Variants in RALYL observed in about 807,000 individuals in gnomAD.
RALYL encodes the protein RALY RNA binding protein like, also known as RNA-binding Raly-like protein.
In RALYL, 29 loss-of-function variants were observed where a neutral mutation model predicts 35.1. The observed-to-expected ratio is 0.83, with a 90% CI of 0.61 to 1.13. The LOEUF (loss-of-function observed/expected upper bound fraction) is 1.13, where lower values mean the gene tolerates loss of function less well. RALYL is among the 50% of genes most tolerant of loss of function. The pLI is 0.00. For synonymous variants in RALYL, 120 were observed against 127.6 expected, an observed-to-expected ratio of 0.94 and a Z score of 0.40; for missense variants, 359 against 360.4, an observed-to-expected ratio of 1.00 and a Z score of 0.03.
intron 1 of RALYL, among the ~76,000 whole-genome samples, chr8:84,388,916 T>C (rs1377488786): frequency 6.6e-5 from 10 of 152,142 alleles, no homozygotes; most frequent in South Asian, 2.1e-4. Context: ...AAGTCCTTGC[T>C]CATGCCTATG....
intron 1 of RALYL, among the ~76,000 whole-genome samples, chr8:84,439,672 T>C (rs970758784): frequency 4.6e-5 from 7 of 152,100 alleles, no homozygotes; most frequent in Non-Finnish European, 7.4e-5. Context: ...ATGATTTTCT[T>C]TTGCTCATCA....
At chr8:84,599,220 A>T (rs575866174) in intron 2 of RALYL, among the ~76,000 whole-genome samples, 15 of 152,216 alleles carry the variant, frequency 9.9e-5, no homozygotes, top group Admixed American at 5.9e-4. Context: ...ACTGACCACT[A>T]AAAATTTCAT....
intron 1 of RALYL, among the ~76,000 whole-genome samples, chr8:84,304,180 C>T (rs1381688739): frequency 1.3e-4 from 20 of 152,114 alleles, no homozygotes; most frequent in Admixed American, 8.5e-4. Context: ...TGCAGTGGCG[C>T]GATCTCAGCT....
At chr8:84,284,134 T>A (rs1309423199) in intron 1 of RALYL, among the ~76,000 whole-genome samples, 1 of 152,164 alleles carries the variant, frequency 6.6e-6, no homozygotes, top group Non-Finnish European at 1.5e-5. Context: ...AGAGAATTAT[T>A]CCTGTATTAT....
chr8:84,605,988 G>A (rs1186645263), intron 2 of RALYL, among the ~76,000 whole-genome samples: 1 of 152,094 alleles, frequency 6.6e-6, no homozygotes, highest in East Asian at 1.9e-4. Flanking sequence ...TGTACAAACA[G>A]CCACACACTT....
At chr8:84,312,394 C>T (rs1456334240) in intron 1 of RALYL, among the ~76,000 whole-genome samples, 1 of 152,158 alleles carries the variant, frequency 6.6e-6, no homozygotes, top group Non-Finnish European at 1.5e-5. Flanking sequence ...CCAACAGTCC[C>T]CCAACATCTT....
chr8:84,237,273 A>T (rs1321349108), intron 1 of RALYL, among the ~76,000 whole-genome samples: 1 of 152,182 alleles, frequency 6.6e-6, no homozygotes, highest in Non-Finnish European at 1.5e-5. Context: ...CACTCCCAAG[A>T]GGGAGAAGTA....
chr8:84,345,499 T>C (rs905876544), intron 1 of RALYL, among the ~76,000 whole-genome samples: 5 of 152,112 alleles, frequency 3.3e-5, no homozygotes, highest in African/African-American at 1.2e-4. Flanking sequence ...CCCAGGGTTA[T>C]CTTTAGATAC....
rs377088754 is a variant in RALYL, at chr8:84,620,575, A to C, written c.256+90998A>C. Among the ~76,000 whole-genome samples the C allele has an allele frequency of 2.0e-5, 3 of 152,288 alleles. No homozygotes were observed. The East Asian group carries it at 5.8e-4, about 29-fold the overall frequency. On this transcript the variant is annotated intron_variant, in intron 2 of 8. Coordinates refer to ENST00000521268, the MANE Select transcript of RALYL (RefSeq NM_173848.7). Reference sequence around the variant, plus strand: ...TAGCTCAGAGTAATTTGATCATCTGAAGCCTTCTTCTCTCAGCTCGTCAAA... The same window carrying C: ...TAGCTCAGAGTAATTTGATCATCTGCAGCCTTCTTCTCTCAGCTCGTCAAA...
chr8:84,235,774 T>C (rs1483015131), intron 1 of RALYL, among the ~76,000 whole-genome samples: 2 of 148,258 alleles, frequency 1.3e-5, no homozygotes, highest in Non-Finnish European at 3.0e-5. Context: ...TTTCTTTTTT[T>C]TTTTTTTTTT....
At chr8:84,642,389 A>G (rs1483607999) in intron 2 of RALYL, among the ~76,000 whole-genome samples, 1 of 151,940 alleles carries the variant, frequency 6.6e-6, no homozygotes, top group African/African-American at 2.4e-5. Context: ...AAACTCTTTT[A>G]CCTTTTTTTT....
At chr8:84,611,050 A>T (rs1353947410) in intron 2 of RALYL, among the ~76,000 whole-genome samples, 4 of 152,118 alleles carry the variant, frequency 2.6e-5, no homozygotes, top group African/African-American at 9.7e-5. Flanking sequence ...GACACTAGGC[A>T]TGCTTGTTTC....
At position 84,693,448 on chromosome 8, in the gene RALYL, G is replaced by T. The variant is rs1589049245; in HGVS notation, c.257-81131G>T. Among the ~76,000 whole-genome samples the T allele has an allele frequency of 2.0e-5, 3 of 151,904 alleles. No individual in the cohort carries two copies. In the East Asian group the frequency reaches 5.8e-4, roughly 29 times the overall value. ...TCACTATCACAAGAATAGCATGGAA[G>T]TAACTGCCCCATGATTCAATTACCT... is the stretch of plus-strand genomic sequence containing the variant. On this transcript the variant is annotated intron_variant, in intron 2 of 8. Transcript: ENST00000521268.
At chr8:84,778,688 T>C (rs1474652551) in intron 3 of RALYL, among the ~76,000 whole-genome samples, 5 of 152,234 alleles carry the variant, frequency 3.3e-5, no homozygotes, top group Admixed American at 6.5e-5. Flanking sequence ...TGGGGCATTA[T>C]GGTGCCCAGG....
At chr8:84,334,762 C>T (rs1847454401) in intron 1 of RALYL, among the ~76,000 whole-genome samples, 1 of 152,060 alleles carries the variant, frequency 6.6e-6, no homozygotes, top group African/African-American at 2.4e-5. Flanking sequence ...TGGAACATAA[C>T]CTCAGCTTTC....
At chr8:84,414,691 C>T (rs572507952) in intron 1 of RALYL, among the ~76,000 whole-genome samples, 1 of 152,130 alleles carries the variant, frequency 6.6e-6, no homozygotes, top group South Asian at 2.1e-4. Context: ...TTCCTAATAT[C>T]GGGAAATGAA....
intron 1 of RALYL, among the ~76,000 whole-genome samples, chr8:84,216,462 A>G (rs190738640): frequency 3.8e-4 from 58 of 152,288 alleles, no homozygotes; most frequent in Non-Finnish European, 6.0e-4. Flanking sequence ...GTATGCAACA[A>G]GATGTTATGG....
intron 1 of RALYL, among the ~76,000 whole-genome samples, chr8:84,485,289 GT>G (rs2054489945): frequency 6.6e-6 from 1 of 152,076 alleles, no homozygotes; most frequent in African/African-American, 2.4e-5. Context: ...AATATGCCCA[GT>G]TTTAAACTAC....
At chr8:84,602,693 C>T (rs1816237601) in intron 2 of RALYL, among the ~76,000 whole-genome samples, 2 of 152,062 alleles carry the variant, frequency 1.3e-5, no homozygotes, top group African/African-American at 4.8e-5. Context: ...TTCCATTTAT[C>T]CAGTTAATAA....
Sources: gnomAD v4.1 joint callset for allele counts (sites outside exome capture counted in the v4.1 genomes callset) on GRCh38, gnomAD v4.1.1 for gene constraint, MANE v1.5 for transcripts, NCBI Gene and HGNC (gene_info 2026-07-23, HGNC 2026-07-21) for gene names.